The following PARD3B variants were observed in gnomAD, a reference collection of about 807,000 sequenced individuals.
PARD3B encodes the protein par-3 family cell polarity regulator beta, also known as partitioning defective 3 homolog B.
PARD3B carries 103 observed loss-of-function variants against 130.2 expected under a neutral mutation model. That is an observed-to-expected ratio of 0.79 (90% CI 0.67 to 0.93). PARD3B has a LOEUF of 0.93. PARD3B is among the 40% of genes least tolerant of loss of function. The probability of loss-of-function intolerance (pLI) is 0.00; values close to 1 mark genes in which losing one functional copy is unlikely to be tolerated. For missense variants in PARD3B, 1,609 were observed against 1,499.2 expected, an observed-to-expected ratio of 1.07 and a Z score of -1.21; for synonymous variants, 583 against 553.2, an observed-to-expected ratio of 1.05 and a Z score of -0.76.
At chr2:204,681,651 A>G (rs1244506137) in intron 1 of PARD3B, among the ~76,000 whole-genome samples, 3 of 152,048 alleles carry the variant, frequency 2.0e-5, no homozygotes, top group Non-Finnish European at 2.9e-5. Flanking sequence ...TCATTTTCCA[A>G]AACTCTTGTT....
chr2:205,541,347 G>GT lies in PARD3B; in HGVS notation c.3181-11959dup, dbSNP rs34760169. Among the ~76,000 whole-genome samples, 256 of 122,182 alleles carry GT rather than the reference G, an allele frequency of 2.1e-3. 2 individuals are homozygous for GT. Among genetic ancestry groups the GT allele is most frequent in the African/African-American group, 6.3e-3 (210 of 33,114 alleles). The allele number at this position is 122,182 out of a possible 152,430, so 80.2% of individuals were successfully genotyped here. On this transcript the variant is annotated intron_variant, in intron 21 of 22. Coordinates refer to ENST00000406610, the MANE Select transcript of PARD3B (RefSeq NM_001302769.2). Reference sequence around the variant, plus strand: ...GAGTTTTAATGCTCACAGAAACTTTGTTTTTTTTTTTTTTTTTTGAGACAG... The same window carrying GT: ...GAGTTTTAATGCTCACAGAAACTTTGTTTTTTTTTTTTTTTTTTTGAGACAG...
intron 18 of PARD3B, among the ~76,000 whole-genome samples, chr2:205,345,455 ATGTCCTGCT>A (rs1484314305): frequency 2.0e-5 from 3 of 152,104 alleles, no homozygotes; most frequent in African/African-American, 7.2e-5. Context: ...AAAAACATTT[ATGTCCTGCT>A]TAAGGAGGGT....
Position 205,463,729 on chromosome 2 carries a change from C to T in PARD3B, c.3044+23057C>T, listed in dbSNP as rs1165418825. Reference sequence around the variant, plus strand: ...TGTTTATAGGCCAGTCACTTGCACGCTGAGACTGAAATCCTGAAAGATTGT... The same window carrying T: ...TGTTTATAGGCCAGTCACTTGCACGTTGAGACTGAAATCCTGAAAGATTGT... On this transcript the variant is annotated intron_variant, in intron 20 of 22. Coordinates refer to ENST00000406610, the MANE Select transcript of PARD3B (RefSeq NM_001302769.2). This position sits in a 1 kb window ranked among gnomAD's most constrained non-coding sequence, Gnocchi z 4.8. Among the ~76,000 whole-genome samples, 5 of 152,176 alleles carry T rather than the reference C, an allele frequency of 3.3e-5. No homozygotes were observed. The highest frequency in any genetic ancestry group is 3.3e-4 in the Admixed American group (5 of 15,274).
Position 204,680,887 on chromosome 2 carries a change from A to G in PARD3B, c.121-5294A>G, listed in dbSNP as rs116729962. Among the ~76,000 whole-genome samples, 347 of 152,252 alleles carry G rather than the reference A, an allele frequency of 2.3e-3. 3 individuals are homozygous for G. Among genetic ancestry groups the G allele is most frequent in the African/African-American group, 8.0e-3 (334 of 41,566 alleles). Reference sequence around the variant, plus strand: ...GAAATTTGGTACACGTTCCATGTACACTTATAAAGTATGTTCTAATCTTTT... The same window carrying G: ...GAAATTTGGTACACGTTCCATGTACGCTTATAAAGTATGTTCTAATCTTTT... On this transcript the variant is annotated intron_variant, in intron 1 of 22. Coordinates refer to ENST00000406610, the MANE Select transcript of PARD3B (RefSeq NM_001302769.2).
At chr2:205,375,240 C>T (rs1476169574) in intron 18 of PARD3B, among the ~76,000 whole-genome samples, 2 of 152,160 alleles carry the variant, frequency 1.3e-5, no homozygotes, top group Non-Finnish European at 2.9e-5. Flanking sequence ...ATTTAACGTG[C>T]ATAAAGTACT....
intron 18 of PARD3B, among the ~76,000 whole-genome samples, chr2:205,323,316 G>A (rs2042822183): frequency 6.6e-6 from 1 of 152,028 alleles, no homozygotes; most frequent in Admixed American, 6.6e-5. Flanking sequence ...ATGCTATCAG[G>A]GTTAATGGTA....
chr2:204,703,376 G>C (rs1378633097), intron 2 of PARD3B, among the ~76,000 whole-genome samples: 1 of 152,202 alleles, frequency 6.6e-6, no homozygotes, highest in Non-Finnish European at 1.5e-5. Context: ...AGATAAATAA[G>C]ATGCTTCTTG....
chr2:205,085,491 T>G (rs1701687912), intron 4 of PARD3B, among the ~76,000 whole-genome samples: 1 of 152,012 alleles, frequency 6.6e-6, no homozygotes, highest in South Asian at 2.1e-4. Context: ...AATTAAAAAT[T>G]GAGTTTATTT....
intron 20 of PARD3B, among the ~76,000 whole-genome samples, chr2:205,444,124 C>T (rs141148567): frequency 1.4e-4 from 22 of 152,192 alleles, no homozygotes; most frequent in South Asian, 6.2e-4. Context: ...CTGGGACTAC[C>T]GGCACAAGCC....
At chr2:204,697,061 A>C (rs2037644519) in intron 2 of PARD3B, among the ~76,000 whole-genome samples, 1 of 152,132 alleles carries the variant, frequency 6.6e-6, no homozygotes, top group South Asian at 2.1e-4. Flanking sequence ...CTAATAGCCT[A>C]ACAATCTTAA....
At chr2:204,604,684 G>A (rs2033644381) in intron 1 of PARD3B, among the ~76,000 whole-genome samples, 1 of 152,148 alleles carries the variant, frequency 6.6e-6, no homozygotes, top group Non-Finnish European at 1.5e-5. Context: ...GTGAGTGGAG[G>A]GGCTGAGGAT....
In PARD3B at chr2:205,158,966, T is replaced by G. The variant is rs1490448379; in HGVS notation, c.1620+59T>G. The G allele has an allele frequency of 6.4e-7, 1 of 1,567,148 alleles. No individual in the cohort carries two copies. The highest frequency in any genetic ancestry group is 1.4e-5 in the African/African-American group (1 of 73,398). ...AAGGCACTTGGAGATGTGACTGTTG[T>G]ACTTAGAGACTGAATGGAGAAAGTG... On this transcript the variant is annotated intron_variant, in intron 11 of 22. Coordinates refer to ENST00000406610, the MANE Select transcript of PARD3B (RefSeq NM_001302769.2). The surrounding 1 kb of genome is among the most constrained non-coding windows in gnomAD (Gnocchi z 5.4).
At chr2:204,886,256 A>G (rs938898023) in intron 2 of PARD3B, among the ~76,000 whole-genome samples, 2 of 152,198 alleles carry the variant, frequency 1.3e-5, no homozygotes, top group African/African-American at 2.4e-5. Flanking sequence ...CCATTTCTCC[A>G]TAAACCAGAG....
At chr2:205,310,702 CCTTT>C (rs1229453839) in intron 18 of PARD3B, among the ~76,000 whole-genome samples, 7 of 143,868 alleles carry the variant, frequency 4.9e-5, no homozygotes, top group African/African-American at 1.3e-4. Context: ...AGTATTTCTT[CCTTT>C]CTTTCTTTCT....
rs191916026 is a variant in PARD3B, at chr2:205,584,025, C to G, written c.3260+30622C>G. 3.9e-4 allele frequency among the ~76,000 whole-genome samples: 59 copies of G among 152,294 alleles called. 1 individual carries two copies. Among genetic ancestry groups the G allele is most frequent in the African/African-American group, 1.4e-3 (58 of 41,570 alleles). On this transcript the variant is annotated intron_variant, in intron 22 of 22. Coordinates refer to ENST00000406610, the MANE Select transcript of PARD3B (RefSeq NM_001302769.2). This position sits in a 1 kb window ranked among gnomAD's most constrained non-coding sequence, Gnocchi z 5.5. The stretch of plus-strand genomic sequence containing the variant: ...ACTCTAAGACACTACAGGGCATTTT[C>G]AAATATTTTATCTTGGAAACTTGAT...
intron 3 of PARD3B, among the ~76,000 whole-genome samples, chr2:205,016,076 C>G (rs938461355): frequency 6.6e-6 from 1 of 152,236 alleles, no homozygotes; most frequent in East Asian, 1.9e-4. Context: ...ACTATCATCT[C>G]TGTCTAGCAC....
At chr2:205,305,154 A>C (rs1221723397) in intron 18 of PARD3B, among the ~76,000 whole-genome samples, 5 of 152,194 alleles carry the variant, frequency 3.3e-5, no homozygotes, top group African/African-American at 1.2e-4. Flanking sequence ...CTCATTTCCA[A>C]ATTGCATTCC....
At position 205,458,383 on chromosome 2, in the gene PARD3B, C is replaced by T. The variant is rs961768675; in HGVS notation, c.3044+17711C>T. 6.6e-6 allele frequency among the ~76,000 whole-genome samples: 1 copy of T among 151,980 alleles called. No homozygotes were observed. The highest frequency in any genetic ancestry group is 1.5e-5 in the Non-Finnish European group (1 of 67,984). On this transcript the variant is annotated intron_variant, in intron 20 of 22. Coordinates refer to ENST00000406610, the MANE Select transcript of PARD3B (RefSeq NM_001302769.2). This position sits in a 1 kb window ranked among gnomAD's most constrained non-coding sequence, Gnocchi z 4.8. Reference sequence around the variant, plus strand: ...AAAATATTTGACCTTTCTGTACATGCGTCTTGCTCTCTGTTCGTTTCTGGT... The same window carrying T: ...AAAATATTTGACCTTTCTGTACATGTGTCTTGCTCTCTGTTCGTTTCTGGT...
chr2:204,943,512 T>C lies in PARD3B; in HGVS notation c.223-21640T>C, dbSNP rs1444942528. On this transcript the variant is annotated intron_variant, in intron 2 of 22. Coordinates refer to ENST00000406610, the MANE Select transcript of PARD3B (RefSeq NM_001302769.2). The surrounding 1 kb of genome is among the most constrained non-coding windows in gnomAD (Gnocchi z 4.2). ...TTTACTGCCCCTTGCCCAGTGGTTA[T>C]ATGTGTGCCAGGTTTGAGGATCCTG... Among the ~76,000 whole-genome samples the C allele has an allele frequency of 6.6e-6, 1 of 152,146 alleles. No homozygotes were observed. Among genetic ancestry groups the C allele is most frequent in the African/African-American group, 2.4e-5 (1 of 41,412 alleles).
Sources: allele counts gnomAD v4.1 joint callset (sites outside exome capture counted in the v4.1 genomes callset), GRCh38; gene constraint gnomAD v4.1.1; non-coding constraint Gnocchi (gnomAD v3.1); transcripts MANE v1.5; gene names NCBI Gene and HGNC (gene_info 2026-07-23, HGNC 2026-07-21).